The following VDAC1 variants were observed in gnomAD, a reference collection of about 807,000 sequenced individuals.
The protein encoded by VDAC1 is voltage dependent anion channel 1.
In VDAC1, 10 loss-of-function variants were observed where a neutral mutation model predicts 34.7. That is an observed-to-expected ratio of 0.29 (90% confidence interval 0.18 to 0.49). The LOEUF is 0.49. Among genes scored for constraint, VDAC1 ranks in the 20% least tolerant of loss-of-function variants. VDAC1 has a pLI of 0.99. For synonymous variants in VDAC1, 130 were observed against 136.0 expected (o/e 0.96, Z 0.30); for missense variants, 230 against 347.9 (o/e 0.66, Z 2.69).
the VDAC1 span, among the ~76,000 whole-genome samples, chr5:134,016,718 T>C: frequency 6.6e-6 from 1 of 152,220 alleles, no homozygotes; most frequent in East Asian, 1.9e-4. Context: ...AAATAAAATG[T>C]GGATGAGGCC....
chr5:134,097,878 T>TTTC, the VDAC1 span, among the ~76,000 whole-genome samples: 1 of 148,656 alleles, frequency 6.7e-6, no homozygotes, highest in African/African-American at 2.5e-5. Flanking sequence ...TCTTTCTTTC[T>TTTC]TTTTTTTTTG....
chr5:134,073,548 A>G, the VDAC1 span, among the ~76,000 whole-genome samples: 13 of 152,210 alleles, frequency 8.5e-5, no homozygotes, highest in African/African-American at 2.7e-4. Flanking sequence ...GCCAAACAAA[A>G]CAGCCATCCT....
chr5:134,049,690 C>G, the VDAC1 span, among the ~76,000 whole-genome samples: 1 of 152,180 alleles, frequency 6.6e-6, no homozygotes, highest in East Asian at 1.9e-4. Flanking sequence ...CGCAATTCTC[C>G]TGTCTCAGCC....
chr5:134,007,863 A>G (rs1753781824), upstream of VDAC1, among the ~76,000 whole-genome samples: 3 of 152,080 alleles, frequency 2.0e-5, no homozygotes, highest in Non-Finnish European at 2.9e-5. Flanking sequence ...TTCCACTTCA[A>G]TAACCCCACT....
At chr5:134,083,758 C>T in the VDAC1 span, among the ~76,000 whole-genome samples, 1 of 152,324 alleles carries the variant, frequency 6.6e-6, no homozygotes, top group East Asian at 1.9e-4. Context: ...AGTCTCTGGC[C>T]TGTAGGACTC....
chr5:134,096,083 C>T, the VDAC1 span, among the ~76,000 whole-genome samples: 1 of 152,228 alleles, frequency 6.6e-6, no homozygotes, highest in Non-Finnish European at 1.5e-5. Context: ...GACTCTATCC[C>T]GCGTGCCAGA....
the VDAC1 span, among the ~76,000 whole-genome samples, chr5:134,077,906 A>G: frequency 1.3e-5 from 2 of 152,250 alleles, no homozygotes; most frequent in Non-Finnish European, 2.9e-5. Context: ...TGTTCAGAGC[A>G]ATTCCCTGAA....
chr5:134,026,001 G>C, the VDAC1 span, among the ~76,000 whole-genome samples: 1 of 152,128 alleles, frequency 6.6e-6, no homozygotes, highest in Non-Finnish European at 1.5e-5. Context: ...AGCCTGGCCT[G>C]GGGGAGGGAG....
chr5:134,001,714 C>CCA (rs1361250391), intron 1 of VDAC1, among the ~76,000 whole-genome samples: 2 of 54,456 alleles, frequency 3.7e-5, no homozygotes, highest in African/African-American at 1.6e-4. Context: ...GAGACTCCAT[C>CCA]TAAAAAAAAA....
the VDAC1 span, among the ~76,000 whole-genome samples, chr5:134,104,860 C>G: frequency 1.3e-5 from 2 of 152,240 alleles, no homozygotes; most frequent in Non-Finnish European, 1.5e-5. Context: ...AACGGATGCA[C>G]TCGGAGGAGC....
the VDAC1 span, among the ~76,000 whole-genome samples, chr5:134,067,113 T>C: frequency 6.6e-6 from 1 of 151,624 alleles, no homozygotes; most frequent in Non-Finnish European, 1.5e-5. Context: ...GAGTTTGTTG[T>C]TACCCGGGCT....
chr5:134,055,428 T>C, the VDAC1 span, among the ~76,000 whole-genome samples: 1 of 151,932 alleles, frequency 6.6e-6, no homozygotes, highest in African/African-American at 2.4e-5. Context: ...TTTGTTTGTT[T>C]GTTTGTTTTG....
At chr5:134,032,124 CAA>C in the VDAC1 span, among the ~76,000 whole-genome samples, 71 of 36,120 alleles carry the variant, frequency 2.0e-3, no homozygotes, top group East Asian at 0.02. Flanking sequence ...CTCTGCCTCA[CAA>C]AAAAAAAAAA....
intron 1 of VDAC1, among the ~76,000 whole-genome samples, chr5:134,004,298 G>T (rs1334289244): frequency 6.6e-6 from 1 of 151,946 alleles, no homozygotes; most frequent in African/African-American, 2.4e-5. Context: ...GCCAGAGGGC[G>T]CCGCCGGGGA....
At chr5:134,055,002 T>C in the VDAC1 span, among the ~76,000 whole-genome samples, 1 of 152,216 alleles carries the variant, frequency 6.6e-6, no homozygotes, top group African/African-American at 2.4e-5. Context: ...TGTTCAGTCA[T>C]ATGTCGATCA....
the VDAC1 span, among the ~76,000 whole-genome samples, chr5:134,042,095 C>G: frequency 3.9e-5 from 6 of 152,164 alleles, no homozygotes; most frequent in Admixed American, 1.3e-4. Flanking sequence ...AGGCCAGAAC[C>G]CCTTGTGGCA....
chr5:133,981,014 G>GT, intron 5 of VDAC1, 58 bp from the exon 6 acceptor site: 1 of 1,374,910 alleles, frequency 7.3e-7, no homozygotes, highest in Non-Finnish European at 1.0e-6. Flanking sequence ...AATGCAAGTT[G>GT]TCTTTTTTTT....
chr5:133,979,722 C>G (rs1385858668), intron 6 of VDAC1, among the ~76,000 whole-genome samples: 1 of 152,150 alleles, frequency 6.6e-6, no homozygotes, highest in Non-Finnish European at 1.5e-5. Context: ...GCCACGACGC[C>G]CGGCCAAAAT....
rs1752326913 is a variant in VDAC1, at chr5:133,972,340, T to TA, written c.*430dup. On this transcript the variant is annotated 3_prime_UTR_variant, in exon 9 of 9. Transcript: ENST00000265333. ...TGGGAACAGGTCATGAAGATCTGTCTAAAAAAGTCCCATTCAGGTGAGTTT... is the reference window on the plus strand; with the variant it reads ...TGGGAACAGGTCATGAAGATCTGTCTAAAAAAAGTCCCATTCAGGTGAGTTT... 1 of 340,588 alleles carries TA rather than the reference T, an allele frequency of 2.9e-6. No individual in the cohort carries two copies. The highest frequency in any genetic ancestry group is 2.1e-5 in the African/African-American group (1 of 47,452). 21.1% of individuals were successfully genotyped at this position (340,588 alleles called of 1,614,324 possible).
Sources: gnomAD v4.1 joint callset for allele counts (sites outside exome capture counted in the v4.1 genomes callset) on GRCh38, gnomAD v4.1.1 for gene constraint, MANE v1.5 for transcripts, NCBI Gene and HGNC (gene_info 2026-07-23, HGNC 2026-07-21) for gene names.